The following PARP16 variants were observed in gnomAD, a reference collection of about 807,000 sequenced individuals.
PARP16 encodes protein mono-ADP-ribosyltransferase PARP16.
PARP16 carries 31 observed loss-of-function variants against 35.0 expected under a neutral mutation model. The ratio of observed to expected loss-of-function variants is 0.88; its 90% CI spans 0.66 to 1.19. The LOEUF is 1.19. Ranked by LOEUF, PARP16 falls within the 50% of genes most tolerant of loss-of-function variation. PARP16 has a pLI of 0.00. For synonymous variants in PARP16, 162 were observed against 169.5 expected (o/e 0.96, Z 0.34); for missense variants, 424 against 411.2 (o/e 1.03, Z -0.27).
chr15:65,273,036 T>C (rs1318770258), intron 1 of PARP16, among the ~76,000 whole-genome samples: 1 of 151,952 alleles, frequency 6.6e-6, no homozygotes, highest in Non-Finnish European at 1.5e-5. Context: ...TCCCAGCACT[T>C]TGGGAGGCTG....
intron 1 of PARP16, among the ~76,000 whole-genome samples, chr15:65,285,295 G>A (rs1400264663): frequency 6.6e-6 from 1 of 151,926 alleles, no homozygotes; most frequent in African/African-American, 2.4e-5. Flanking sequence ...GCGCCACCAC[G>A]CCCGGCTAAC....
In PARP16 at chr15:65,261,015, T is replaced by G. The variant is rs1345628585; in HGVS notation, c.703A>C (p.Ile235Leu). 1 of 1,613,582 alleles carries G rather than the reference T, an allele frequency of 6.2e-7. No homozygotes were observed. The highest frequency in any genetic ancestry group is 1.3e-5 in the African/African-American group (1 of 74,876). ...CQTKKKDSKEIDRRRARIKHS... is the reference protein window; with the variant it reads ...CQTKKKDSKELDRRRARIKHS... ...TTGATTCTCGCTCGTCTGCGATCTA[T>G]CTCCTTGGAATCTGAATAAGGAGAG... Residue 235 changes from isoleucine to leucine, a missense_variant, in exon 5 of 6, where the codon ATA becomes CTA. Ile to Leu is a conservative substitution (Grantham distance 5). Coordinates refer to ENST00000649807, the MANE Select transcript of PARP16 (RefSeq NM_001316943.2).
chr15:65,253,149 AAAAC>A (rs140511927), downstream of PARP16, among the ~76,000 whole-genome samples: 31,766 of 149,006 alleles, frequency 0.21, 4,124 homozygotes, highest in Admixed American at 0.3. Flanking sequence ...AAAAAAAAAC[AAAAC>A]AAACAAAAAA....
intron 3 of PARP16, among the ~76,000 whole-genome samples, chr15:65,241,187 A>G (rs1257419225): frequency 6.1e-5 from 9 of 148,602 alleles, no homozygotes; most frequent in Non-Finnish European, 1.2e-4. Context: ...GCCTAGGCTG[A>G]AGTGCAGTGG....
At chr15:65,274,570 T>C (rs2090192491) in intron 1 of PARP16, among the ~76,000 whole-genome samples, 1 of 106,960 alleles carries the variant, frequency 9.3e-6, no homozygotes, top group Admixed American at 1.2e-4. Flanking sequence ...TGAAACCCTG[T>C]CTCGAATAAA....
chr15:65,278,226 G>A (rs1031807770), intron 1 of PARP16, among the ~76,000 whole-genome samples: 5 of 152,216 alleles, frequency 3.3e-5, no homozygotes, highest in Non-Finnish European at 7.3e-5. Context: ...TCCATTAGTC[G>A]TCTAAGGCCA....
At chr15:65,246,447 G>A (rs527477678) in intron 3 of PARP16, among the ~76,000 whole-genome samples, 4 of 152,326 alleles carry the variant, frequency 2.6e-5, no homozygotes, top group Admixed American at 1.3e-4. Context: ...GGAGCAGAGC[G>A]ATGCGCTCCC....
chr15:65,236,608 G>A (rs879907467), intron 3 of PARP16, among the ~76,000 whole-genome samples: 13 of 152,238 alleles, frequency 8.5e-5, no homozygotes, highest in Non-Finnish European at 1.5e-4. Context: ...AAACAAGACC[G>A]CAGTGGTGGG....
intron 3 of PARP16, among the ~76,000 whole-genome samples, chr15:65,237,374 A>G (rs2088911577): frequency 6.6e-6 from 1 of 152,216 alleles, no homozygotes; most frequent in South Asian, 2.1e-4. Flanking sequence ...AGATGTGTCT[A>G]CATCCTAATT....
In PARP16 at chr15:65,260,594, T is replaced by C. The variant is rs1173325904; in HGVS notation, c.833+291A>G. ...GGGTCTCAGACTGCAATCATGGGCC[T>C]AATGGCTAAGGGGCCACACTGTTTG... On this transcript the variant is annotated intron_variant, in intron 5 of 5. Coordinates refer to ENST00000649807, the MANE Select transcript of PARP16 (RefSeq NM_001316943.2). Among the ~76,000 whole-genome samples, 4 of 152,216 alleles carry C rather than the reference T, an allele frequency of 2.6e-5. No homozygotes were observed. The East Asian group carries it at 7.7e-4, about 29-fold the overall frequency.
intron 3 of PARP16, among the ~76,000 whole-genome samples, chr15:65,244,961 G>A (rs1401167733): frequency 1.3e-5 from 2 of 152,174 alleles, no homozygotes; most frequent in Non-Finnish European, 2.9e-5. Context: ...CAGGATGCTG[G>A]GGGGATACAA....
chr15:65,238,300 C>A (rs1365069355), intron 3 of PARP16, among the ~76,000 whole-genome samples: 1 of 151,998 alleles, frequency 6.6e-6, no homozygotes, highest in Admixed American at 6.6e-5. Flanking sequence ...GAAAAAAAAA[C>A]ATTTATTTGC....
rs940198477 is a variant in PARP16, at chr15:65,252,196, G to C, written c.203-3968C>G. Reference sequence around the variant, plus strand: ...AGTCAGTCAGCTTCCCAAGACCAATGAGAGTGGGAAAGGGAGTTGGTTCCC... The same window carrying C: ...AGTCAGTCAGCTTCCCAAGACCAATCAGAGTGGGAAAGGGAGTTGGTTCCC... On this transcript the variant is annotated intron_variant and NMD_transcript_variant, in intron 2 of 3. Coordinates refer to the PARP16 transcript ENST00000559805. Among the ~76,000 whole-genome samples, 8 of 152,286 alleles carry C rather than the reference G, an allele frequency of 5.3e-5. No individual in the cohort carries two copies. The Middle Eastern group carries it at 0.01, about 194-fold the overall frequency.
chr15:65,237,232 G>A (rs531752752), intron 3 of PARP16, among the ~76,000 whole-genome samples: 137 of 152,084 alleles, frequency 9.0e-4, no homozygotes, highest in African/African-American at 3.2e-3. Flanking sequence ...GAGATTTCAG[G>A]CTGAGCACCC....
chr15:65,284,014 A>C (rs1295451239), intron 1 of PARP16, among the ~76,000 whole-genome samples: 2 of 152,168 alleles, frequency 1.3e-5, no homozygotes, highest in African/African-American at 2.4e-5. Flanking sequence ...TAGGTGGGCT[A>C]CCAGGACCAG....
intron 3 of PARP16, among the ~76,000 whole-genome samples, chr15:65,245,695 G>A (rs1040189747): frequency 3.9e-5 from 6 of 152,126 alleles, no homozygotes; most frequent in Non-Finnish European, 7.4e-5. Flanking sequence ...CACTCATGGT[G>A]ACATCATCCC....
chr15:65,235,167 C>A (rs929782180), intron 3 of PARP16, among the ~76,000 whole-genome samples: 8 of 151,840 alleles, frequency 5.3e-5, no homozygotes, highest in East Asian at 3.9e-4. Flanking sequence ...ATTAGCCGGG[C>A]GTAGTGGTGG....
chr15:65,271,039 C>G lies in PARP16; in HGVS notation c.208G>C (p.Glu70Gln), dbSNP rs775653154. 14 of 1,613,992 alleles carry G rather than the reference C, an allele frequency of 8.7e-6. No individual in the cohort carries two copies. The highest frequency in any genetic ancestry group is 2.7e-5 in the African/African-American group (2 of 74,898). ...TTGTCTCCGGAGGACTGGAGAAGTT[C>G]TTTCAGGTTAGGTAACTTGCTGGCA... is the stretch of plus-strand genomic sequence containing the variant. ...ADASKLPNLK[E>Q]LLQSSGDNHK... is the part of the protein sequence containing the mutation. The change falls in exon 2 of 6, where the codon GAA (glutamate) becomes CAA (glutamine). Residue 70 changes from glutamate to glutamine, a missense_variant. By Grantham distance (29) the Glu-to-Gln change is conservative. Coordinates refer to ENST00000649807, the MANE Select transcript of PARP16 (RefSeq NM_001316943.2).
At chr15:65,278,256 T>C (rs1330564288) in intron 1 of PARP16, among the ~76,000 whole-genome samples, 1 of 152,248 alleles carries the variant, frequency 6.6e-6, no homozygotes, top group East Asian at 1.9e-4. Flanking sequence ...GAGCTCCAAC[T>C]GCTTCCTGCC....
Sources: gnomAD v4.1 joint callset for allele counts (sites outside exome capture counted in the v4.1 genomes callset) on GRCh38, gnomAD v4.1.1 for gene constraint, MANE v1.5 for transcripts, NCBI Gene and HGNC (gene_info 2026-07-23, HGNC 2026-07-21) for gene names.